The following KRT6B variants were observed in gnomAD, a reference collection of about 807,000 sequenced individuals.
The protein encoded by KRT6B is keratin 6B.
Under a neutral mutation model 44.7 loss-of-function variants are expected in KRT6B, and 29 were observed. The observed-to-expected ratio is 0.65, with a 90% CI of 0.48 to 0.88. The LOEUF (loss-of-function observed/expected upper bound fraction) is 0.88, where lower values mean the gene tolerates loss of function less well. Among genes scored for constraint, KRT6B ranks in the 40% least tolerant of loss-of-function variants. KRT6B has a pLI of 0.00. For synonymous variants in KRT6B, 213 were observed against 296.0 expected (o/e 0.72, Z 2.88); for missense variants, 600 against 724.0 (o/e 0.83, Z 1.97).
Position 52,446,906 on chromosome 12 carries a change from T to C in KRT6B, c.*284A>G, listed in dbSNP as rs1940319482. The stretch of plus-strand genomic sequence containing the variant: ...CTGAGTTTCAGTTCTTATGGGGATA[T>C]AGGTCATTTTCTTCTCAGAATTATG... On this transcript the variant is annotated 3_prime_UTR_variant, in exon 9 of 9. Transcript: ENST00000252252. 5.9e-6 allele frequency: 3 copies of C among 509,896 alleles called. No homozygotes were observed. Among genetic ancestry groups the C allele is most frequent in the Admixed American group, 3.3e-5 (1 of 30,548 alleles). 31.6% of individuals were successfully genotyped at this position (509,896 alleles called of 1,614,324 possible).
At chr12:52,447,502 G>C in intron 8 of KRT6B, 37 bp downstream of exon 8, 1 of 1,614,066 alleles carries the variant, frequency 6.2e-7, no homozygotes, top group Non-Finnish European at 8.5e-7. Flanking sequence ...TCAGGAGAGT[G>C]CAAGGGCAGG....
chr12:52,447,457 G>A (rs1940329264), intron 8 of KRT6B, 32 bp from the exon 9 acceptor site: 2 of 1,613,948 alleles, frequency 1.2e-6, no homozygotes, highest in African/African-American at 2.7e-5. Flanking sequence ...GACACAAGAA[G>A]CCACAATGAG....
Position 52,447,960 on chromosome 12 carries a change from C to T in KRT6B, c.1242G>A (p.Gln414=). 6.2e-7 allele frequency: 1 copy of T among 1,614,166 alleles called. No homozygotes were observed. Among genetic ancestry groups the T allele is most frequent in the Non-Finnish European group, 8.5e-7 (1 of 1,180,032 alleles). The change falls in exon 7 of 9, where the codon CAG becomes CAA. Residue 414 remains glutamine (Q), a synonymous_variant. Coordinates refer to ENST00000252252, the MANE Select transcript of KRT6B (RefSeq NM_005555.4). ...NLQAAIADAE[Q]RGEMALKDAK... is the part of the protein sequence containing the mutation. ...CATCCTTGAGGGCCATCTCCCCACG[C>T]TGCTCAGCATCAGCAATGGCGGCCT...
intron 2 of KRT6B, 132 bp from the exon 3 acceptor site, chr12:52,450,204 A>T: frequency 6.4e-7 from 1 of 1,570,442 alleles, no homozygotes; most frequent in Non-Finnish European, 8.8e-7. Flanking sequence ...AGCCAAAGAG[A>T]TGAATTTTGC....
chr12:52,450,288 T>G (rs1940376544), intron 2 of KRT6B, 118 bp downstream of exon 2: 2 of 1,458,180 alleles, frequency 1.4e-6, no homozygotes, highest in East Asian at 4.6e-5. Flanking sequence ...GGTTTGCTCC[T>G]AGGGACTAAT....
chr12:52,451,447 C>T, intron 1 of KRT6B, 92 bp downstream of exon 1: 1 of 1,611,568 alleles, frequency 6.2e-7, no homozygotes, highest in East Asian at 2.2e-5. Flanking sequence ...GTCCCCTTCT[C>T]CCTCCCTCCT....
Position 52,447,079 on chromosome 12 carries a change from C to G in KRT6B, c.*111G>C, listed in dbSNP as rs1380631616. On this transcript the variant is annotated 3_prime_UTR_variant, in exon 9 of 9. Transcript: ENST00000252252. ...AAAGTGAGGGCATCCCAGCTCTACC[C>G]GGGAGGGCAGGGGAGACTGGAGGCC... The G allele has an allele frequency of 1.4e-6, 2 of 1,390,302 alleles. No homozygotes were observed. Among genetic ancestry groups the G allele is most frequent in the East Asian group, 2.3e-5 (1 of 43,540 alleles). The allele number at this position is 1,390,302 out of a possible 1,614,324, so 86.1% of individuals were successfully genotyped here. A position where few individuals can be genotyped will look rare whatever the true frequency, so the allele number is the denominator to read the frequency against.
intron 6 of KRT6B, 91 bp from the exon 7 acceptor site, chr12:52,448,089 A>G: frequency 6.5e-7 from 1 of 1,531,674 alleles, no homozygotes; most frequent in East Asian, 2.3e-5. Flanking sequence ...AGAAGGCACC[A>G]GGAACCCAGA....
chr12:52,449,681 G>A (rs774030808), intron 4 of KRT6B, 48 bp from the exon 5 acceptor site: 24 of 1,614,078 alleles, frequency 1.5e-5, no homozygotes, highest in Non-Finnish European at 1.6e-5. Flanking sequence ...GACATTTACA[G>A]AGATGCCCAG....
In KRT6B at chr12:52,447,805, C is replaced by A. The variant is rs759757944; in HGVS notation, c.1397G>T (p.Arg466Leu). The change falls in exon 7 of 9, where the codon CGC becomes CTC. Residue 466 changes from arginine (R) to leucine (L), a missense_variant. Arg to Leu is a moderately radical substitution (Grantham distance 102). Transcript: ENST00000252252. ...LALDVEIATY[R>L]KLLEGEECRL... is the part of the protein sequence containing the mutation. ...GCACTCCTCGCCCTCCAGCAGCTTG[C>A]GGTAGGTGGCGATCTCCACATCCAG... 6.2e-7 allele frequency: 1 copy of A among 1,614,122 alleles called. No homozygotes were observed. Among genetic ancestry groups the A allele is most frequent in the East Asian group, 2.2e-5 (1 of 44,874 alleles).
At position 52,447,875 on chromosome 12, in the gene KRT6B, G is replaced by A. The variant is rs199727604; in HGVS notation, c.1327C>T (p.Arg443Trp). ...AGCTCCTGGTACTCCTTCAGCAGCC[G>A]GGCCAGGTCCTGCTTGGCCTTCTGC... The part of the protein sequence containing the change: ...ALQKAKQDLA[R>W]LLKEYQELMN... Residue 443 changes from arginine (R) to tryptophan (W), a missense_variant, in exon 7 of 9, where the codon CGG becomes TGG. Transcript: ENST00000252252. 1.2e-4 allele frequency: 198 copies of A among 1,614,114 alleles called. 1 individual carries two copies. Among genetic ancestry groups the A allele is most frequent in the Admixed American group, 5.3e-4 (32 of 60,016 alleles).
Position 52,447,140 on chromosome 12 carries a change from T to G in KRT6B, c.*50A>C. 1 of 1,609,578 alleles carries G rather than the reference T, an allele frequency of 6.2e-7. No individual in the cohort carries two copies. The highest frequency in any genetic ancestry group is 1.1e-5 in the South Asian group (1 of 90,416). On this transcript the variant is annotated 3_prime_UTR_variant, in exon 9 of 9. Transcript: ENST00000252252. Reference sequence around the variant, plus strand: ...AAGCAACCTGAGGAGAGGGCTCTGCTGCCAGAGAGGGGCCTGAGAGCTGTG... The same window carrying G: ...AAGCAACCTGAGGAGAGGGCTCTGCGGCCAGAGAGGGGCCTGAGAGCTGTG...
intron 6 of KRT6B, 137 bp downstream of exon 6, chr12:52,448,705 G>A: frequency 7.0e-7 from 1 of 1,422,570 alleles, no homozygotes; most frequent in Non-Finnish European, 9.7e-7. Context: ...TGTTCTCACT[G>A]AGCCTAGGAA....
chr12:52,447,626 G>A, intron 7 of KRT6B, 53 bp from the exon 8 acceptor site: 3 of 1,614,030 alleles, frequency 1.9e-6, no homozygotes, highest in Non-Finnish European at 2.5e-6. Context: ...AGCATGGGAA[G>A]CCTCAGTGGG....
Position 52,450,486 on chromosome 12 carries a change from C to A in KRT6B, c.675G>T (p.Leu225=). The change falls in exon 2 of 9, where the codon CTG becomes CTT. Residue 225 remains leucine, a synonymous_variant. Transcript: ENST00000252252. The part of the protein sequence containing the change: ...EQYINNLRRQ[L]DNIVGERGRL... ...GACCCCGTTCCCCCACGATGTTGTC[C>A]AGCTGCCTCCTGAGGTTGTTGATGT... 6.2e-7 allele frequency: 1 copy of A among 1,614,220 alleles called. No individual in the cohort carries two copies. The highest frequency in any genetic ancestry group is 1.1e-5 in the South Asian group (1 of 91,072).
intron 6 of KRT6B, 91 bp downstream of exon 6, chr12:52,448,751 C>T: frequency 6.2e-7 from 1 of 1,606,618 alleles, no homozygotes; most frequent in East Asian, 2.2e-5. Flanking sequence ...TCAATCAATT[C>T]CCAAAGAATT....
rs755323118 is a variant in KRT6B, at chr12:52,447,416, T to A, written c.1469A>T (p.Gln490Leu). The part of the protein sequence containing the change: ...GVGQVNISVV[Q>L]STVSSGYGGA... ...GCCATAGCCACTGGAGACGGTGGACTGCACTACAGCTGTGGTGGGGAGGGG... is the reference window on the plus strand; with the variant it reads ...GCCATAGCCACTGGAGACGGTGGACAGCACTACAGCTGTGGTGGGGAGGGG... Residue 490 changes from glutamine (Q) to leucine (L), a missense_variant, in exon 9 of 9, where the codon CAG (glutamine) becomes CTG (leucine). Around this residue, in one of 4 missense-constraint regions of KRT6B, gnomAD observed 479 missense variants for 454.2 expected, o/e 1.05. Transcript: ENST00000252252. 13 of 1,614,048 alleles carry A rather than the reference T, an allele frequency of 8.1e-6. No homozygotes were observed. Among genetic ancestry groups the A allele is most frequent in the Non-Finnish European group, 1.0e-5 (12 of 1,179,940 alleles).
Position 52,447,830 on chromosome 12 carries a change from G to A in KRT6B, c.1372C>T (p.Leu458=), listed in dbSNP as rs1206313527. The change falls in exon 7 of 9, where the codon CTG becomes TTG. Residue 458 remains leucine, a synonymous_variant. Transcript: ENST00000252252. The part of the protein sequence containing the change: ...YQELMNVKLA[L]DVEIATYRKL... The stretch of plus-strand genomic sequence containing the variant: ...CGGTAGGTGGCGATCTCCACATCCA[G>A]GGCCAGCTTGACGTTCATCAGCTCC... The A allele has an allele frequency of 1.2e-6, 2 of 1,614,160 alleles. No individual in the cohort carries two copies. Among genetic ancestry groups the A allele is most frequent in the South Asian group, 2.2e-5 (2 of 91,084 alleles).
chr12:52,448,648 G>C lies in KRT6B; in HGVS notation c.1203+194C>G, dbSNP rs181603267. On this transcript the variant is annotated intron_variant, in intron 6 of 8. Transcript: ENST00000252252. ...ACCAGCTGAGAGTGCTTCTGCCCAGGTGATTGTTTCATATCCTTGGGTGTG... is the reference window on the plus strand; with the variant it reads ...ACCAGCTGAGAGTGCTTCTGCCCAGCTGATTGTTTCATATCCTTGGGTGTG... Among the ~76,000 whole-genome samples the C allele has an allele frequency of 7.5e-4, 114 of 152,198 alleles. 1 individual carries two copies. The highest frequency in any genetic ancestry group is 2.7e-3 in the African/African-American group (112 of 41,526).
Sources: allele counts gnomAD v4.1 joint callset (sites outside exome capture counted in the v4.1 genomes callset), GRCh38; gene constraint gnomAD v4.1.1; regional missense constraint gnomAD v4.1.1; transcripts MANE v1.5; gene names NCBI Gene and HGNC (gene_info 2026-07-23, HGNC 2026-07-21).